The following NCK1 variants were observed in gnomAD, a reference collection of about 807,000 sequenced individuals.
The protein encoded by NCK1 is NCK adaptor protein 1, also known as SH2/SH3 adapter protein NCK1.
Under a neutral mutation model 36.6 loss-of-function variants are expected in NCK1, and 19 were observed. That is an observed-to-expected ratio of 0.52 (90% CI 0.36 to 0.76). The LOEUF (loss-of-function observed/expected upper bound fraction) is 0.76. Among genes scored for constraint, NCK1 ranks in the 30% least tolerant of loss-of-function variants. The pLI is 0.00. For synonymous variants in NCK1, 165 were observed against 156.0 expected (o/e 1.06, Z -0.43); for missense variants, 358 against 445.6 (o/e 0.80, Z 1.77).
chr3:136,885,102 A>G (rs1338341066), intron 1 of NCK1, among the ~76,000 whole-genome samples: 6 of 152,224 alleles, frequency 3.9e-5, no homozygotes, highest in Admixed American at 3.3e-4. Context: ...ATATTTACAT[A>G]AATTTTTAGA....
chr3:136,933,660 A>G (rs1304441925), intron 2 of NCK1, among the ~76,000 whole-genome samples: 1 of 152,116 alleles, frequency 6.6e-6, no homozygotes, highest in Non-Finnish European at 1.5e-5. Context: ...GTTTCCTTCC[A>G]ACTACAGCCA....
intron 1 of NCK1, among the ~76,000 whole-genome samples, chr3:136,906,303 T>A (rs1223075894): frequency 6.6e-6 from 1 of 152,010 alleles, no homozygotes; most frequent in African/African-American, 2.4e-5. Context: ...ATAAAAGAGG[T>A]CTCACTCTGT....
intron 1 of NCK1, among the ~76,000 whole-genome samples, chr3:136,864,955 T>C (rs1938370178): frequency 6.7e-6 from 1 of 149,574 alleles, no homozygotes; most frequent in Admixed American, 6.6e-5. Context: ...TTTTTCTTTT[T>C]CTTTTGTTTG....
chr3:136,905,534 A>G (rs1049967894), intron 1 of NCK1, among the ~76,000 whole-genome samples: 1 of 150,408 alleles, frequency 6.6e-6, no homozygotes, highest in Non-Finnish European at 1.5e-5. Flanking sequence ...ATTACAGACA[A>G]GGGTCACAGT....
At chr3:136,875,724 G>C (rs1938747891) in intron 1 of NCK1, among the ~76,000 whole-genome samples, 1 of 149,090 alleles carries the variant, frequency 6.7e-6, no homozygotes. Context: ...ACACCCCACT[G>C]TCAACATTAG....
intron 1 of NCK1, among the ~76,000 whole-genome samples, chr3:136,873,783 C>T (rs538496758): frequency 4.6e-5 from 7 of 152,198 alleles, no homozygotes; most frequent in African/African-American, 1.2e-4. Context: ...TTTTTAAAAA[C>T]GGGAGTTTCC....
intron 3 of NCK1, 38 bp downstream of exon 3, chr3:136,946,333 T>G: frequency 3.3e-6 from 5 of 1,494,468 alleles, no homozygotes; most frequent in Non-Finnish European, 4.6e-6. Context: ...AATAGAGCTC[T>G]GGGTATTTTA....
intron 2 of NCK1, among the ~76,000 whole-genome samples, chr3:136,938,773 G>A (rs941575540): frequency 6.6e-6 from 1 of 152,178 alleles, no homozygotes; most frequent in Non-Finnish European, 1.5e-5. Flanking sequence ...GTAGTGATTG[G>A]TTAACAAAAA....
chr3:136,882,547 CTGTGTG>C lies in NCK1; in HGVS notation c.-19+20232_-19+20237del, dbSNP rs35463509. Among the ~76,000 whole-genome samples the C allele has an allele frequency of 5.4e-3, 771 of 143,460 alleles. 4 individuals carry two copies. The highest frequency in any genetic ancestry group is 0.015 in the African/African-American group (573 of 38,550). 94.1% of individuals were successfully genotyped at this position (143,460 alleles called of 152,430 possible). On this transcript the variant is annotated intron_variant, in intron 1 of 3. Transcript: ENST00000481752. ...AAGTTTACATTACTTTCCCACATCA[CTGTGTG>C]TGTGTGTGTGTGTGTGTGTGTGTGT...
chr3:136,906,707 C>G (rs1326104845), intron 1 of NCK1, among the ~76,000 whole-genome samples: 1 of 152,092 alleles, frequency 6.6e-6, no homozygotes, highest in African/African-American at 2.4e-5. Context: ...GCTGTCTGTG[C>G]TGGTGTAGGC....
intron 1 of NCK1, among the ~76,000 whole-genome samples, chr3:136,919,615 C>T (rs1032174923): frequency 2.0e-5 from 3 of 152,142 alleles, no homozygotes; most frequent in Non-Finnish European, 4.4e-5. Context: ...CTAGACAAAA[C>T]ACCTGAAAAC....
rs111267708 is a variant in NCK1 at position 136,875,043 on chromosome 3, A to C, written c.-19+12690A>C. ...CTTGGTGTTACGTCTATTTTTAACAATTTTTCTTGGATATTTGTGTACCTT... is the reference window on the plus strand; with the variant it reads ...CTTGGTGTTACGTCTATTTTTAACACTTTTTCTTGGATATTTGTGTACCTT... On this transcript the variant is annotated intron_variant, in intron 1 of 3. Coordinates refer to ENST00000481752, the MANE Select transcript of NCK1 (RefSeq NM_001291999.2). 1.8e-4 allele frequency among the ~76,000 whole-genome samples: 27 copies of C among 152,134 alleles called. 1 individual carries two copies. The highest frequency in any genetic ancestry group is 6.3e-4 in the African/African-American group (26 of 41,494).
chr3:136,898,290 G>A (rs1939441431), intron 1 of NCK1, among the ~76,000 whole-genome samples: 1 of 151,766 alleles, frequency 6.6e-6, no homozygotes, highest in Admixed American at 6.6e-5. Flanking sequence ...CACCTATTCG[G>A]GGAGGCTGAG....
At chr3:136,931,508 C>A (rs1308186343) in intron 2 of NCK1, among the ~76,000 whole-genome samples, 1 of 152,134 alleles carries the variant, frequency 6.6e-6, no homozygotes, top group Non-Finnish European at 1.5e-5. Context: ...TAGTGACTCC[C>A]TCTGGAATAT....
chr3:136,866,037 T>C (rs998185010), intron 1 of NCK1, among the ~76,000 whole-genome samples: 19 of 152,226 alleles, frequency 1.2e-4, no homozygotes, highest in Non-Finnish European at 7.3e-5. Flanking sequence ...TATGTCTTCC[T>C]AAATCTTAGA....
chr3:136,896,402 T>G (rs1310117671), intron 1 of NCK1, among the ~76,000 whole-genome samples: 1 of 152,226 alleles, frequency 6.6e-6, no homozygotes, highest in Non-Finnish European at 1.5e-5. Flanking sequence ...GTCTTTCTAG[T>G]CCTGGCTTAT....
intron 1 of NCK1, 129 bp from the exon 2 acceptor site, chr3:136,927,855 A>G (rs1465920239): frequency 4.3e-6 from 3 of 691,102 alleles, no homozygotes; most frequent in Admixed American, 2.9e-5. Context: ...TATTTGCCTC[A>G]TGTATTTTTT....
chr3:136,932,968 T>C (rs1315064528), intron 2 of NCK1, among the ~76,000 whole-genome samples: 1 of 152,184 alleles, frequency 6.6e-6, no homozygotes, highest in Non-Finnish European at 1.5e-5. Flanking sequence ...ATAAGTACAC[T>C]GGGTTCAGAA....
chr3:136,891,563 T>A (rs985379983), intron 1 of NCK1, among the ~76,000 whole-genome samples: 3 of 152,220 alleles, frequency 2.0e-5, no homozygotes, highest in Non-Finnish European at 4.4e-5. Flanking sequence ...ATAAGTGAAA[T>A]TGCTGGATTG....
Sources: allele counts gnomAD v4.1 joint callset (sites outside exome capture counted in the v4.1 genomes callset), GRCh38; gene constraint gnomAD v4.1.1; transcripts MANE v1.5; gene names NCBI Gene and HGNC (gene_info 2026-07-23, HGNC 2026-07-21).